Variants in ZNF362 observed in about 807,000 individuals in gnomAD.
ZNF362 encodes the protein zinc finger protein 362, also known as rotund homolog.
In ZNF362, 11 loss-of-function variants were observed where a neutral mutation model predicts 42.9. The observed-to-expected ratio is 0.26, with a 90% confidence interval of 0.16 to 0.42. The LOEUF is 0.42. Ranked by LOEUF, ZNF362 falls within the 20% of genes least tolerant of loss-of-function variation. The pLI, the probability that ZNF362 is intolerant of heterozygous loss-of-function variation, is 1.00. For missense variants in ZNF362, 362 were observed against 576.2 expected, an observed-to-expected ratio of 0.63 and a Z score of 3.81; for synonymous variants, 255 against 257.3, an observed-to-expected ratio of 0.99 and a Z score of 0.09.
the ZNF362 span, among the ~76,000 whole-genome samples, chr1:33,225,927 C>T: frequency 4.6e-5 from 7 of 152,156 alleles, no homozygotes; most frequent in South Asian, 1.5e-3. Context: ...CTGCAGTGTT[C>T]CCCAGCAGAC....
At chr1:33,247,965 C>T in the ZNF362 span, among the ~76,000 whole-genome samples, 1 of 152,344 alleles carries the variant, frequency 6.6e-6, no homozygotes, top group African/African-American at 2.4e-5. Context: ...CCCCAGAAGT[C>T]CAGCAAGGTG....
intron 8 of ZNF362, among the ~76,000 whole-genome samples, chr1:33,295,761 G>A (rs1318608802): frequency 6.6e-6 from 1 of 152,172 alleles, no homozygotes; most frequent in Non-Finnish European, 1.5e-5. Context: ...CCCTGGGTGG[G>A]AATTTCCCCA....
chr1:33,299,334 GTT>G lies in ZNF362; in HGVS notation c.*300_*301del, dbSNP rs35161004. On this transcript the variant is annotated 3_prime_UTR_variant, in exon 9 of 9. Coordinates refer to ENST00000539719, the MANE Select transcript of ZNF362 (RefSeq NM_152493.3). ...TTCCCCACCCTTCACTTGCTTCACT[GTT>G]TTTTTTTTTTTCGTTTTTTTTTTTT... 228 of 154,136 alleles carry G rather than the reference GTT, an allele frequency of 1.5e-3. No homozygotes were observed. The highest frequency in any genetic ancestry group is 2.1e-3 in the Non-Finnish European group (167 of 78,302). The allele number at this position is 154,136 out of a possible 1,614,324, so 9.5% of individuals were successfully genotyped here. A position where few individuals can be genotyped will look rare whatever the true frequency, so the allele number is the denominator to read the frequency against.
the ZNF362 span, among the ~76,000 whole-genome samples, chr1:33,205,598 A>G: frequency 6.6e-6 from 1 of 152,142 alleles, no homozygotes; most frequent in Non-Finnish European, 1.5e-5. Flanking sequence ...AGTAGTCAAG[A>G]TATTTTGGTA....
the ZNF362 span, among the ~76,000 whole-genome samples, chr1:33,241,334 A>C: frequency 6.6e-6 from 1 of 152,056 alleles, no homozygotes; most frequent in South Asian, 2.1e-4. Context: ...ATCTCTACTA[A>C]AAATACAAAA....
chr1:33,170,321 TAAA>T, the ZNF362 span, among the ~76,000 whole-genome samples: 1 of 146,756 alleles, frequency 6.8e-6, no homozygotes. Flanking sequence ...CCAGTCTCTT[TAAA>T]AAAAAAAAAA....
At chr1:33,229,405 CTT>C in the ZNF362 span, among the ~76,000 whole-genome samples, 23,195 of 136,124 alleles carry the variant, frequency 0.17, 1,890 homozygotes, top group South Asian at 0.26. Context: ...TCTATTCTGC[CTT>C]TTTTTTTTTT....
intron 6 of ZNF362, among the ~76,000 whole-genome samples, chr1:33,292,581 C>T (rs1646086390): frequency 6.6e-6 from 1 of 152,176 alleles, no homozygotes; most frequent in African/African-American, 2.4e-5. Flanking sequence ...ATGCTGGCCT[C>T]ATAAAATGAA....
chr1:33,201,009 T>A, the ZNF362 span, among the ~76,000 whole-genome samples: 3 of 152,110 alleles, frequency 2.0e-5, no homozygotes, highest in South Asian at 2.1e-4. Flanking sequence ...TCAGAAGACA[T>A]CAACCCTGCT....
At chr1:33,152,511 G>A in the ZNF362 span, among the ~76,000 whole-genome samples, 1 of 150,292 alleles carries the variant, frequency 6.7e-6, no homozygotes, top group African/African-American at 2.4e-5. Flanking sequence ...AGGTTGTGGT[G>A]AGCCAAGATT....
chr1:33,273,393 T>A (rs1351448546), intron 2 of ZNF362, among the ~76,000 whole-genome samples: 2 of 152,182 alleles, frequency 1.3e-5, no homozygotes, highest in Non-Finnish European at 2.9e-5. Context: ...AGGGGTCTGA[T>A]AAGTGGCAGG....
At chr1:33,226,520 A>G in the ZNF362 span, among the ~76,000 whole-genome samples, 1 of 152,210 alleles carries the variant, frequency 6.6e-6, no homozygotes, top group African/African-American at 2.4e-5. Flanking sequence ...TGGCCATAAA[A>G]AGTAACGAGG....
At chr1:33,183,111 C>T in the ZNF362 span, among the ~76,000 whole-genome samples, 1 of 152,140 alleles carries the variant, frequency 6.6e-6, no homozygotes, top group Non-Finnish European at 1.5e-5. Flanking sequence ...CTGTTGTCAT[C>T]GTGCCTGCAG....
the ZNF362 span, among the ~76,000 whole-genome samples, chr1:33,209,086 T>C: frequency 1.2e-4 from 18 of 152,234 alleles, no homozygotes; most frequent in Non-Finnish European, 2.1e-4. Context: ...TATTTTGAGA[T>C]ATGTTCCATC....
chr1:33,241,896 A>C, the ZNF362 span, among the ~76,000 whole-genome samples: 8 of 152,158 alleles, frequency 5.3e-5, no homozygotes, highest in Non-Finnish European at 1.2e-4. Context: ...TTCACAATGA[A>C]AATGTACCAA....
chr1:33,152,606 T>C, the ZNF362 span, among the ~76,000 whole-genome samples: 1 of 150,890 alleles, frequency 6.6e-6, no homozygotes, highest in African/African-American at 2.4e-5. Context: ...GGGGACCATC[T>C]GTCGATTCAT....
At chr1:33,205,430 A>G in the ZNF362 span, among the ~76,000 whole-genome samples, 1 of 152,122 alleles carries the variant, frequency 6.6e-6, no homozygotes, top group Non-Finnish European at 1.5e-5. Context: ...GGCTGCACTG[A>G]GCTATGATTG....
chr1:33,261,581 G>C (rs1210136822), intron 1 of ZNF362: 10 of 152,194 alleles, frequency 6.6e-5, no homozygotes, highest in Non-Finnish European at 1.5e-4. Context: ...TATCTCTTTA[G>C]CCTGGTGCTC....
At chr1:33,129,688 C>T in the ZNF362 span, among the ~76,000 whole-genome samples, 32,854 of 152,062 alleles carry the variant, frequency 0.22, 4,172 homozygotes, top group South Asian at 0.33. The surrounding 1 kb of genome is among the most constrained non-coding windows in gnomAD (Gnocchi z 4.1). Flanking sequence ...ACATTTGGTC[C>T]ACACTGGAGA....
Sources: allele counts gnomAD v4.1 joint callset (sites outside exome capture counted in the v4.1 genomes callset), GRCh38; gene constraint gnomAD v4.1.1; non-coding constraint Gnocchi (gnomAD v3.1); transcripts MANE v1.5; gene names NCBI Gene and HGNC (gene_info 2026-07-23, HGNC 2026-07-21).